CADM2: variants seen among roughly 807,000 people sequenced by gnomAD.
CADM2 encodes the protein cell adhesion molecule 2.
A neutral mutation model predicts 49.8 loss-of-function variants in CADM2; 12 were observed. The ratio of observed to expected loss-of-function variants is 0.24; its 90% confidence interval spans 0.15 to 0.39. The LOEUF (loss-of-function observed/expected upper bound fraction) is 0.39. CADM2 is among the 10% of genes least tolerant of loss of function. The pLI is 1.00. For synonymous variants in CADM2, 214 were observed against 175.4 expected, an observed-to-expected ratio of 1.22 and a Z score of -1.74; for missense variants, 378 against 492.3, an observed-to-expected ratio of 0.77 and a Z score of 2.20.
intron 1 of CADM2, among the ~76,000 whole-genome samples, chr3:85,263,889 T>C (rs967369860): frequency 1.3e-5 from 2 of 152,136 alleles, no homozygotes; most frequent in African/African-American, 4.8e-5. Context: ...ATTTGGAATG[T>C]GTCCTGAATG....
chr3:85,204,922 T>C (rs780866255), intron 1 of CADM2, among the ~76,000 whole-genome samples: 5 of 151,986 alleles, frequency 3.3e-5, no homozygotes, highest in Non-Finnish European at 5.9e-5. Flanking sequence ...ATGAAGATTT[T>C]CCTAAATTAT....
intron 1 of CADM2, among the ~76,000 whole-genome samples, chr3:85,462,754 C>T (rs1449654257): frequency 1.3e-5 from 2 of 152,062 alleles, no homozygotes; most frequent in Admixed American, 6.6e-5. Flanking sequence ...ATAAAAGATT[C>T]AAAAAGCATT....
intron 3 of CADM2, among the ~76,000 whole-genome samples, chr3:85,847,318 CAT>C (rs2074925133): frequency 6.6e-6 from 1 of 152,116 alleles, no homozygotes; most frequent in African/African-American, 2.4e-5. Context: ...TTGGTATCTG[CAT>C]GAATCTCAAA....
At position 85,705,827 on chromosome 3, in the gene CADM2, C is replaced by A. The variant is rs192418015; in HGVS notation, c.62-20695C>A. On this transcript the variant is annotated intron_variant, in intron 1 of 9. Coordinates refer to ENST00000383699, the MANE Select transcript of CADM2 (RefSeq NM_001167675.2). ...CTACTTTAAATTCTGAAAAATTATT[C>A]TCCTCTTACATATGGATTTTCCCCC... 1.7e-3 allele frequency among the ~76,000 whole-genome samples: 257 copies of A among 152,282 alleles called. 1 individual carries two copies. Among genetic ancestry groups the A allele is most frequent in the Admixed American group, 3.7e-3 (56 of 15,288 alleles).
intron 1 of CADM2, among the ~76,000 whole-genome samples, chr3:85,370,457 T>A (rs1410770249): frequency 6.6e-6 from 1 of 151,378 alleles, no homozygotes; most frequent in African/African-American, 2.4e-5. Flanking sequence ...TAAAATATAA[T>A]GGAGCTAAAA....
intron 1 of CADM2, among the ~76,000 whole-genome samples, chr3:85,015,329 C>A (rs2034206349): frequency 6.6e-6 from 1 of 151,996 alleles, no homozygotes; most frequent in Admixed American, 6.6e-5. Context: ...ATTTTACTTC[C>A]TTATTTTTTC....
rs571899974 is a variant in CADM2, at chr3:85,236,832, T to A, written c.61+277164T>A. 5.3e-5 allele frequency among the ~76,000 whole-genome samples: 8 copies of A among 152,092 alleles called. No individual in the cohort carries two copies. The East Asian group carries it at 1.6e-3, about 29-fold the overall frequency. ...GGTGACCTCAACTAGAGAGAAATGCTTAGCAGGAAGGGCTGTAGTAACAGA... is the reference window on the plus strand; with the variant it reads ...GGTGACCTCAACTAGAGAGAAATGCATAGCAGGAAGGGCTGTAGTAACAGA... On this transcript the variant is annotated intron_variant, in intron 1 of 9. Transcript: ENST00000383699.
chr3:85,752,822 G>T (rs1316741909), intron 2 of CADM2, among the ~76,000 whole-genome samples: 2 of 151,972 alleles, frequency 1.3e-5, no homozygotes, highest in Admixed American at 6.6e-5. Context: ...GTTTTCAGAT[G>T]AATTTAATCA....
At chr3:85,104,921 G>A (rs932337386) in intron 1 of CADM2, among the ~76,000 whole-genome samples, 5 of 152,124 alleles carry the variant, frequency 3.3e-5, no homozygotes, top group African/African-American at 1.2e-4. Context: ...ATTGATTTTT[G>A]TATCCTGAGA....
chr3:85,203,285 A>C (rs1336228154), intron 1 of CADM2, among the ~76,000 whole-genome samples: 1 of 152,102 alleles, frequency 6.6e-6, no homozygotes, highest in South Asian at 2.1e-4. Flanking sequence ...ATATTTACAA[A>C]TCTCAATTTC....
chr3:85,651,918 C>T (rs1001729628), intron 1 of CADM2, among the ~76,000 whole-genome samples: 5 of 149,870 alleles, frequency 3.3e-5, no homozygotes, highest in African/African-American at 1.2e-4. Context: ...CCCCGGTTCA[C>T]GCCATTCTCT....
At chr3:85,412,149 A>G (rs1228337655) in intron 1 of CADM2, among the ~76,000 whole-genome samples, 2 of 152,080 alleles carry the variant, frequency 1.3e-5, no homozygotes, top group African/African-American at 4.8e-5. Flanking sequence ...ATTTCTTTGA[A>G]AAGCCTTACA....
chr3:85,084,900 A>G (rs1375248601), intron 1 of CADM2, among the ~76,000 whole-genome samples: 1 of 151,996 alleles, frequency 6.6e-6, no homozygotes, highest in African/African-American at 2.4e-5. Context: ...GAGACCCTTG[A>G]AATTATTTTC....
chr3:85,608,311 C>G (rs577151683), intron 1 of CADM2, among the ~76,000 whole-genome samples: 2 of 152,182 alleles, frequency 1.3e-5, no homozygotes, highest in African/African-American at 4.8e-5. Flanking sequence ...ATAGGGCCAC[C>G]TATTAATTAA....
chr3:85,166,356 A>C (rs531654823), intron 1 of CADM2, among the ~76,000 whole-genome samples: 4 of 151,980 alleles, frequency 2.6e-5, no homozygotes, highest in African/African-American at 9.6e-5. Flanking sequence ...ATAACATGGA[A>C]ATTTGATTAT....
intron 1 of CADM2, among the ~76,000 whole-genome samples, chr3:85,428,570 T>C (rs2036522789): frequency 6.8e-6 from 1 of 146,004 alleles, no homozygotes; most frequent in Non-Finnish European, 1.5e-5. Context: ...ATATATGATA[T>C]ATACATTATA....
intron 1 of CADM2, among the ~76,000 whole-genome samples, chr3:85,269,279 A>G (rs895584480): frequency 1.3e-5 from 2 of 151,472 alleles, no homozygotes; most frequent in African/African-American, 4.8e-5. Flanking sequence ...AATTATTTTT[A>G]GTTATTCATT....
intron 1 of CADM2, among the ~76,000 whole-genome samples, chr3:85,610,539 G>A (rs1260835145): frequency 6.6e-6 from 1 of 151,752 alleles, no homozygotes; most frequent in Non-Finnish European, 1.5e-5. Context: ...GATGCACCAG[G>A]CACTCTCATA....
At chr3:84,965,766 G>A (rs1472055417) in intron 1 of CADM2, among the ~76,000 whole-genome samples, 1 of 152,100 alleles carries the variant, frequency 6.6e-6, no homozygotes, top group Non-Finnish European at 1.5e-5. Context: ...TCTTATTAGA[G>A]CATTTCCTGT....
Sources: gnomAD v4.1 joint callset for allele counts (sites outside exome capture counted in the v4.1 genomes callset) on GRCh38, gnomAD v4.1.1 for gene constraint, MANE v1.5 for transcripts, NCBI Gene and HGNC (gene_info 2026-07-23, HGNC 2026-07-21) for gene names.